UPP2: variants seen among roughly 807,000 people sequenced by gnomAD.
The protein encoded by UPP2 is UPase 2.
Under a neutral mutation model 26.7 loss-of-function variants are expected in UPP2, and 23 were observed. The ratio of observed to expected loss-of-function variants is 0.86; its 90% CI spans 0.62 to 1.22. UPP2 has a LOEUF of 1.22. Ranked by LOEUF, UPP2 falls within the 50% of genes most tolerant of loss-of-function variation. The pLI, the probability that UPP2 is intolerant of heterozygous loss-of-function variation, is 0.00. For synonymous variants in UPP2, 127 were observed against 141.3 expected, an observed-to-expected ratio of 0.90 and a Z score of 0.72; for missense variants, 387 against 396.7, an observed-to-expected ratio of 0.98 and a Z score of 0.21.
intron 4 of UPP2, among the ~76,000 whole-genome samples, chr2:158,119,879 T>A (rs552385214): frequency 4.2e-4 from 64 of 151,580 alleles, no homozygotes; most frequent in Non-Finnish European, 7.8e-4. Context: ...GGTGTGGGTG[T>A]ATGTGCCTGT....
At chr2:158,093,742 G>A (rs1682945902) in intron 3 of UPP2, among the ~76,000 whole-genome samples, 1 of 152,022 alleles carries the variant, frequency 6.6e-6, no homozygotes, top group East Asian at 1.9e-4. Flanking sequence ...ATGGGGAAAT[G>A]GGGTTTATTA....
intron 1 of UPP2, among the ~76,000 whole-genome samples, chr2:158,104,271 C>T (rs1476918833): frequency 6.6e-6 from 1 of 152,110 alleles, no homozygotes; most frequent in Admixed American, 6.5e-5. Flanking sequence ...AGAGAAGATG[C>T]TTGGAAAAGC....
chr2:158,060,895 T>C (rs1682342202), intron 3 of UPP2, among the ~76,000 whole-genome samples: 1 of 152,136 alleles, frequency 6.6e-6, no homozygotes, highest in South Asian at 2.1e-4. Flanking sequence ...CCTTCGGAAA[T>C]GTGAGAAATA....
chr2:158,021,723 T>G (rs1319253322), intron 3 of UPP2, among the ~76,000 whole-genome samples: 1 of 152,224 alleles, frequency 6.6e-6, no homozygotes, highest in Non-Finnish European at 1.5e-5. Context: ...TCTTAGAAAA[T>G]GGCTTTTTCA....
At chr2:158,063,668 T>C (rs958828106) in intron 3 of UPP2, among the ~76,000 whole-genome samples, 21 of 152,034 alleles carry the variant, frequency 1.4e-4, no homozygotes, top group South Asian at 2.1e-4. Flanking sequence ...TACATAGGTA[T>C]ACATGTGCTA....
intron 3 of UPP2, among the ~76,000 whole-genome samples, chr2:158,017,443 G>A (rs1683678759): frequency 6.6e-6 from 1 of 152,060 alleles, no homozygotes; most frequent in African/African-American, 2.4e-5. Flanking sequence ...CAGGAGCAGG[G>A]ATGCATCTTG....
chr2:158,100,882 C>G (rs2105209589), upstream of UPP2, among the ~76,000 whole-genome samples: 1 of 152,206 alleles, frequency 6.6e-6, no homozygotes, highest in African/African-American at 2.4e-5. Flanking sequence ...GCTGTCTGAC[C>G]AAGATGGACC....
chr2:158,009,137 G>T (rs1282828980), intron 2 of UPP2, among the ~76,000 whole-genome samples: 2 of 152,042 alleles, frequency 1.3e-5, no homozygotes, highest in Non-Finnish European at 2.9e-5. Flanking sequence ...TTTAATTTTG[G>T]ATTTAATTAC....
intron 3 of UPP2, among the ~76,000 whole-genome samples, chr2:158,016,593 G>T (rs370703301): frequency 1.3e-5 from 2 of 152,032 alleles, no homozygotes; most frequent in African/African-American, 4.8e-5. Flanking sequence ...TGCCTGCCTC[G>T]GCATCTAAAG....
intron 3 of UPP2, among the ~76,000 whole-genome samples, chr2:158,076,153 TAAC>T (rs1159493844): frequency 1.3e-5 from 2 of 151,822 alleles, no homozygotes; most frequent in Admixed American, 6.6e-5. Context: ...AACAGACCAA[TAAC>T]AACAAGATCG....
rs1231652027 is a variant in UPP2 at position 158,135,318 on chromosome 2, A to C, written c.*428A>C. ...GACAGAAACTGATCATCCATATTCA[A>C]AATATTTACAGAAAAAAGTGTCAGT... On this transcript the variant is annotated 3_prime_UTR_variant, in exon 7 of 7. Transcript: ENST00000005756. 1 of 153,478 alleles carries C rather than the reference A, an allele frequency of 6.5e-6. No individual in the cohort carries two copies. The highest frequency in any genetic ancestry group is 1.5e-5 in the Non-Finnish European group (1 of 68,690). The allele number at this position is 153,478 out of a possible 1,614,324, so 9.5% of individuals were successfully genotyped here.
At chr2:158,067,884 G>GTCT (rs1450024587) in intron 3 of UPP2, among the ~76,000 whole-genome samples, 1 of 151,562 alleles carries the variant, frequency 6.6e-6, no homozygotes, top group Non-Finnish European at 1.5e-5. Flanking sequence ...TTTCTAAAGA[G>GTCT]TTATTTCAAA....
chr2:158,007,767 C>T (rs979187740), intron 2 of UPP2, among the ~76,000 whole-genome samples: 8 of 152,086 alleles, frequency 5.3e-5, no homozygotes, highest in Admixed American at 2.0e-4. Context: ...ATTACAGGCA[C>T]GCACCACCAC....
intron 3 of UPP2, among the ~76,000 whole-genome samples, chr2:158,068,802 A>ATTT (rs70990633): frequency 2.1e-4 from 4 of 18,898 alleles, no homozygotes; most frequent in Non-Finnish European, 2.6e-4. Context: ...ATATATATAT[A>ATTT]TTTTTTTTTT....
chr2:158,065,530 T>C (rs1682420938), intron 3 of UPP2: 1 of 455,672 alleles, frequency 2.2e-6, no homozygotes, highest in African/African-American at 2.0e-5. Context: ...TTGAGTGTCT[T>C]TTAACTAAAT....
intron 3 of UPP2, among the ~76,000 whole-genome samples, chr2:158,046,949 G>T (rs1252970493): frequency 6.6e-6 from 1 of 152,072 alleles, no homozygotes; most frequent in African/African-American, 2.4e-5. Context: ...ATTTTCCAAA[G>T]AATTTAAATA....
chr2:158,047,492 C>T (rs564622309), intron 3 of UPP2, among the ~76,000 whole-genome samples: 81 of 152,264 alleles, frequency 5.3e-4, no homozygotes, highest in African/African-American at 1.9e-3. Flanking sequence ...AGCTGGCATC[C>T]GGTTTAAACC....
At chr2:158,112,564 T>A (rs1263235930) in intron 2 of UPP2, among the ~76,000 whole-genome samples, 1 of 151,726 alleles carries the variant, frequency 6.6e-6, no homozygotes, top group Non-Finnish European at 1.5e-5. Flanking sequence ...TTATGTAAGA[T>A]ACCAAAACAC....
intron 3 of UPP2, among the ~76,000 whole-genome samples, chr2:158,082,508 G>T (rs974743877): frequency 6.6e-6 from 1 of 152,112 alleles, no homozygotes; most frequent in African/African-American, 2.4e-5. Context: ...TCCACCATAT[G>T]CAGAAAACTG....
Sources: gnomAD v4.1 joint callset for allele counts (sites outside exome capture counted in the v4.1 genomes callset) on GRCh38, gnomAD v4.1.1 for gene constraint, MANE v1.5 for transcripts, NCBI Gene and HGNC (gene_info 2026-07-23, HGNC 2026-07-21) for gene names.